PSD3: variants seen among roughly 807,000 people sequenced by gnomAD.
The protein encoded by PSD3 is PH and SEC7 domain-containing protein 3.
In PSD3, 49 loss-of-function variants were observed where a neutral mutation model predicts 105.5. That is an observed-to-expected ratio of 0.46 (90% confidence interval 0.37 to 0.59). The LOEUF (loss-of-function observed/expected upper bound fraction) is 0.59, where lower values mean the gene tolerates loss of function less well. PSD3 is among the 20% of genes least tolerant of loss of function. The pLI is 0.00. For synonymous variants in PSD3, 557 were observed against 457.8 expected (o/e 1.22, Z -2.77); for missense variants, 1,561 against 1,263.8 (o/e 1.24, Z -3.57).
In PSD3 at chr8:19,071,514, C is replaced by T. The variant is rs28496548; in HGVS notation, c.324+12692G>A. On this transcript the variant is annotated intron_variant, in intron 1 of 1. Transcript: ENST00000521475. ...AATGTTCTGGGTAGAAGAAGAGAAACGGGAAGGCTGTTGAGAATCCTGAGG... is the reference window on the plus strand; with the variant it reads ...AATGTTCTGGGTAGAAGAAGAGAAATGGGAAGGCTGTTGAGAATCCTGAGG... Among the ~76,000 whole-genome samples, 1,100 of 152,096 alleles carry T rather than the reference C, an allele frequency of 7.2e-3. 16 individuals are homozygous for T. Among genetic ancestry groups the T allele is most frequent in the African/African-American group, 0.026 (1,071 of 41,500 alleles).
intron 1 of PSD3, among the ~76,000 whole-genome samples, chr8:18,962,263 A>T (rs1457349289): frequency 6.6e-6 from 1 of 152,130 alleles, no homozygotes; most frequent in African/African-American, 2.4e-5. Context: ...AAAAAGAAAG[A>T]TAGGTCCATT....
intron 1 of PSD3, among the ~76,000 whole-genome samples, chr8:18,949,983 C>G (rs1823137642): frequency 6.6e-6 from 1 of 152,086 alleles, no homozygotes; most frequent in Non-Finnish European, 1.5e-5. Flanking sequence ...AATGTCATGA[C>G]AAGACAAGAT....
intron 1 of PSD3, among the ~76,000 whole-genome samples, chr8:19,022,127 C>T (rs558093306): frequency 1.3e-5 from 2 of 152,056 alleles, no homozygotes; most frequent in Non-Finnish European, 2.9e-5. Context: ...TTTAAAACAA[C>T]CAGATCTCAT....
intron 2 of PSD3, among the ~76,000 whole-genome samples, chr8:18,886,540 G>A (rs193214364): frequency 2.2e-4 from 34 of 152,248 alleles, no homozygotes; most frequent in Admixed American, 1.8e-3. Context: ...TTTCACAGCA[G>A]CATTTAAAAG....
chr8:18,889,260 T>C (rs1351052131), intron 2 of PSD3, among the ~76,000 whole-genome samples: 1 of 152,180 alleles, frequency 6.6e-6, no homozygotes, highest in Non-Finnish European at 1.5e-5. Context: ...TTGTTTTGTT[T>C]TGTTTGTATT....
intron 14 of PSD3, among the ~76,000 whole-genome samples, chr8:18,562,812 C>T (rs1424434209): frequency 1.3e-5 from 2 of 152,032 alleles, no homozygotes; most frequent in Non-Finnish European, 2.9e-5. Flanking sequence ...TTGCTTGAAC[C>T]TGGGAGGCGG....
At chr8:18,701,343 G>C (rs1199768366) in intron 9 of PSD3, among the ~76,000 whole-genome samples, 3 of 152,074 alleles carry the variant, frequency 2.0e-5, no homozygotes, top group Non-Finnish European at 4.4e-5. Context: ...TGTGTCTCTT[G>C]AGTTGGTATA....
chr8:18,923,503 C>T (rs548369188), intron 2 of PSD3, among the ~76,000 whole-genome samples: 106 of 152,292 alleles, frequency 7.0e-4, no homozygotes, highest in African/African-American at 2.4e-3. Flanking sequence ...GGACGCTGAT[C>T]CATAAGATTA....
chr8:18,636,678 A>G lies in PSD3; in HGVS notation c.2217-3872T>C, dbSNP rs1585457994. Among the ~76,000 whole-genome samples, 2 of 152,160 alleles carry G rather than the reference A, an allele frequency of 1.3e-5. 1 individual carries two copies. On this transcript the variant is annotated intron_variant, in intron 10 of 15. Coordinates refer to ENST00000327040, the MANE Select transcript of PSD3 (RefSeq NM_015310.4). ...CCATTTACAAAAAATCTTTAATGCCATATTTGTTGCTGTTCATTTTTTGAT... is the reference window on the plus strand; with the variant it reads ...CCATTTACAAAAAATCTTTAATGCCGTATTTGTTGCTGTTCATTTTTTGAT...
intron 1 of PSD3, among the ~76,000 whole-genome samples, chr8:19,077,969 C>G (rs1829512817): frequency 6.6e-6 from 1 of 151,900 alleles, no homozygotes; most frequent in South Asian, 2.1e-4. Context: ...ACCATACAAC[C>G]TGCTTTCACT....
chr8:18,665,259 C>T (rs2130887752), intron 9 of PSD3, among the ~76,000 whole-genome samples: 1 of 152,282 alleles, frequency 6.6e-6, no homozygotes, highest in East Asian at 1.9e-4. Flanking sequence ...ATCTGTGATT[C>T]ATGGGAGGTC....
chr8:18,572,548 T>C lies in PSD3; in HGVS notation c.2764A>G (p.Thr922Ala). ...ATTACCTGAGACAGTTTTGTTGTAG[T>C]GGCAGGCAGAAGTGGGCGGCTAAAC... ...KKFSRPLLPA[T>A]TTKLSQEEQL... is the part of the protein sequence containing the mutation. The change falls in exon 14 of 16, where the codon ACT becomes GCT. Residue 922 changes from threonine (T) to alanine (A), a missense_variant. Coordinates refer to ENST00000327040, the MANE Select transcript of PSD3 (RefSeq NM_015310.4). 6.2e-7 allele frequency: 1 copy of C among 1,613,958 alleles called. No individual in the cohort carries two copies. The highest frequency in any genetic ancestry group is 8.5e-7 in the Non-Finnish European group (1 of 1,179,858).
At chr8:18,644,350 A>G (rs1168272382) in intron 10 of PSD3, among the ~76,000 whole-genome samples, 3 of 152,156 alleles carry the variant, frequency 2.0e-5, no homozygotes. Flanking sequence ...AGCTCCATCA[A>G]CATTTTGCTT....
intron 4 of PSD3, among the ~76,000 whole-genome samples, chr8:18,814,711 T>G (rs940249599): frequency 6.6e-6 from 1 of 152,332 alleles, no homozygotes; most frequent in East Asian, 1.9e-4. Context: ...TAGAAGCTTC[T>G]TTGGGCAAGG....
chr8:18,861,310 C>T (rs1816421844), intron 4 of PSD3, among the ~76,000 whole-genome samples: 1 of 152,048 alleles, frequency 6.6e-6, no homozygotes, highest in African/African-American at 2.4e-5. Flanking sequence ...ATTAGAAGGA[C>T]ACATAAGCAA....
At chr8:18,993,150 G>C (rs2114495) in intron 1 of PSD3, among the ~76,000 whole-genome samples, 2 of 151,610 alleles carry the variant, frequency 1.3e-5, no homozygotes, top group Non-Finnish European at 2.9e-5. Context: ...CTTTTCTGTA[G>C]TCCTCAGAGA....
At chr8:18,652,946 T>C (rs1268349170) in intron 10 of PSD3, among the ~76,000 whole-genome samples, 1 of 152,196 alleles carries the variant, frequency 6.6e-6, no homozygotes, top group Non-Finnish European at 1.5e-5. Flanking sequence ...ATTGGGGTAT[T>C]GGCCATTTAT....
intron 11 of PSD3, among the ~76,000 whole-genome samples, chr8:18,622,573 AT>A (rs1806193184): frequency 6.6e-6 from 1 of 151,966 alleles, no homozygotes; most frequent in Admixed American, 6.6e-5. Context: ...TTAGTGAAAA[AT>A]TTTTTCCCCA....
intron 1 of PSD3, among the ~76,000 whole-genome samples, chr8:19,054,072 G>A (rs530193544): frequency 2.6e-5 from 4 of 152,340 alleles, no homozygotes; most frequent in Non-Finnish European, 5.9e-5. Context: ...CTGATGTACA[G>A]CACTGCTAGA....
Sources: allele counts gnomAD v4.1 joint callset (sites outside exome capture counted in the v4.1 genomes callset), GRCh38; gene constraint gnomAD v4.1.1; transcripts MANE v1.5; gene names NCBI Gene and HGNC (gene_info 2026-07-23, HGNC 2026-07-21).